The following SCHIP1 variants were observed in gnomAD, a reference collection of about 807,000 sequenced individuals.
SCHIP1 encodes the protein schwannomin-interacting protein 1.
A neutral mutation model predicts 29.7 loss-of-function variants in SCHIP1; 8 were observed. The ratio of observed to expected loss-of-function variants is 0.27; its 90% confidence interval spans 0.16 to 0.49. The LOEUF (loss-of-function observed/expected upper bound fraction) is 0.49. SCHIP1 is among the 20% of genes least tolerant of loss of function. SCHIP1 has a pLI of 0.99. For synonymous variants in SCHIP1, 76 were observed against 94.9 expected (o/e 0.80, Z 1.16); for missense variants, 193 against 294.6 (o/e 0.66, Z 2.52).
the SCHIP1 span, among the ~76,000 whole-genome samples, chr3:159,828,472 C>CGTATATATAT: frequency 0.01 from 1,184 of 115,562 alleles, 51 homozygotes; most frequent in South Asian, 0.014. Context: ...TGTATATATA[C>CGTATATATAT]ACACACATAC....
At chr3:159,800,054 T>C in the SCHIP1 span, among the ~76,000 whole-genome samples, 1 of 152,206 alleles carries the variant, frequency 6.6e-6, no homozygotes, top group African/African-American at 2.4e-5. Context: ...ATTCATTCAC[T>C]TATTCCCCAC....
At chr3:159,601,321 C>G in the SCHIP1 span, among the ~76,000 whole-genome samples, 1 of 152,130 alleles carries the variant, frequency 6.6e-6, no homozygotes, top group African/African-American at 2.4e-5. Flanking sequence ...AACAACCCCC[C>G]CATACACTAT....
chr3:159,684,671 G>A, the SCHIP1 span, among the ~76,000 whole-genome samples: 1 of 151,866 alleles, frequency 6.6e-6, no homozygotes, highest in Non-Finnish European at 1.5e-5. Flanking sequence ...AGGTGTGGTG[G>A]CATGCAACTG....
At chr3:159,740,771 G>GAAAAAAAAAAAA in the SCHIP1 span, among the ~76,000 whole-genome samples, 17 of 104,902 alleles carry the variant, frequency 1.6e-4, no homozygotes, top group African/African-American at 2.2e-4. Context: ...CAAAAAAAAA[G>GAAAAAAAAAAAA]AAAAAAAAAA....
the SCHIP1 span, among the ~76,000 whole-genome samples, chr3:159,618,979 A>G: frequency 6.6e-6 from 1 of 152,224 alleles, no homozygotes; most frequent in African/African-American, 2.4e-5. Context: ...ATTCCTTGGC[A>G]GGGTAAACAG....
intron 2 of SCHIP1, among the ~76,000 whole-genome samples, chr3:159,882,346 TA>T (rs147067817): frequency 6.8e-6 from 1 of 148,088 alleles, no homozygotes; most frequent in Non-Finnish European, 1.5e-5. Flanking sequence ...GACAGGGGGA[TA>T]AAAATCTTAC....
At chr3:159,478,660 T>G in the SCHIP1 span, among the ~76,000 whole-genome samples, 1 of 152,190 alleles carries the variant, frequency 6.6e-6, no homozygotes, top group Middle Eastern at 3.2e-3. Context: ...TTTAGATCAC[T>G]TTGGGTACTA....
the SCHIP1 span, among the ~76,000 whole-genome samples, chr3:159,543,203 GTTTT>G: frequency 3.8e-4 from 57 of 149,504 alleles, no homozygotes; most frequent in South Asian, 2.1e-3. Context: ...GTTTTGTTTT[GTTTT>G]TTTATTTTAT....
At chr3:159,430,087 G>T in the SCHIP1 span, among the ~76,000 whole-genome samples, 4 of 152,158 alleles carry the variant, frequency 2.6e-5, no homozygotes, top group Non-Finnish European at 5.9e-5. Flanking sequence ...AGAAAAGGAT[G>T]CATAGGTGAA....
At chr3:159,839,633 T>C (rs1387033168), upstream of SCHIP1, among the ~76,000 whole-genome samples, 3 of 97,156 alleles carry the variant, frequency 3.1e-5, no homozygotes, top group Non-Finnish European at 6.3e-5. Flanking sequence ...TTTTTCTTTT[T>C]TTTTTTTTTT....
the SCHIP1 span, among the ~76,000 whole-genome samples, chr3:159,694,550 A>AAGAT: frequency 2.3e-5 from 1 of 43,524 alleles, no homozygotes; most frequent in Non-Finnish European, 5.5e-5. Flanking sequence ...GAAAGAAAGA[A>AAGAT]AGAAAGAAAG....
the SCHIP1 span, among the ~76,000 whole-genome samples, chr3:159,376,497 A>G: frequency 1.3e-5 from 2 of 152,154 alleles, no homozygotes; most frequent in Non-Finnish European, 2.9e-5. Flanking sequence ...AGTAAGGACC[A>G]CTTTAAGGAC....
chr3:159,667,584 G>A, the SCHIP1 span, among the ~76,000 whole-genome samples: 1 of 152,180 alleles, frequency 6.6e-6, no homozygotes, highest in East Asian at 1.9e-4. Context: ...GGGGTGCACA[G>A]GAGCCATAGT....
the SCHIP1 span, among the ~76,000 whole-genome samples, chr3:159,393,250 C>T: frequency 6.6e-6 from 1 of 151,992 alleles, no homozygotes; most frequent in South Asian, 2.1e-4. Context: ...AAATTTTCTC[C>T]CATTTTGTAG....
chr3:159,509,556 C>T, the SCHIP1 span, among the ~76,000 whole-genome samples: 3 of 152,186 alleles, frequency 2.0e-5, no homozygotes, highest in African/African-American at 4.8e-5. Flanking sequence ...CAGTTTCTTC[C>T]TAGCCTTGAT....
At chr3:159,762,603 TTAAG>T in the SCHIP1 span, among the ~76,000 whole-genome samples, 12 of 152,224 alleles carry the variant, frequency 7.9e-5, 1 homozygote, top group Non-Finnish European at 1.5e-4. Flanking sequence ...TGTTATAAAA[TTAAG>T]TAATATTTTT....
the SCHIP1 span, among the ~76,000 whole-genome samples, chr3:159,508,899 A>G: frequency 6.6e-6 from 1 of 152,166 alleles, no homozygotes; most frequent in Non-Finnish European, 1.5e-5. Context: ...TATGTGGTCG[A>G]TTTTGGAATA....
the SCHIP1 span, among the ~76,000 whole-genome samples, chr3:159,276,367 C>G: frequency 6.6e-6 from 1 of 152,072 alleles, no homozygotes; most frequent in Non-Finnish European, 1.5e-5. Context: ...TGATTGATTC[C>G]AAATGGGTTC....
At chr3:159,652,365 A>T in the SCHIP1 span, among the ~76,000 whole-genome samples, 3 of 152,140 alleles carry the variant, frequency 2.0e-5, no homozygotes, top group African/African-American at 7.2e-5. Flanking sequence ...CACCGTTAAG[A>T]AGTACATAAA....
Sources: allele counts gnomAD v4.1 joint callset (sites outside exome capture counted in the v4.1 genomes callset), GRCh38; gene constraint gnomAD v4.1.1; transcripts MANE v1.5; gene names NCBI Gene and HGNC (gene_info 2026-07-23, HGNC 2026-07-21).